Variants in POLR3A observed in about 807,000 individuals in gnomAD.
POLR3A encodes the protein DNA-directed RNA polymerase III subunit RPC1.
POLR3A carries 112 observed loss-of-function variants against 152.8 expected under a neutral mutation model. The observed-to-expected ratio is 0.73, with a 90% CI of 0.63 to 0.86. POLR3A has a LOEUF of 0.86. Among genes scored for constraint, POLR3A ranks in the 40% least tolerant of loss-of-function variants. The pLI is 0.00. For missense variants in POLR3A, 1,385 were observed against 1,743.1 expected (o/e 0.79, Z 3.66); for synonymous variants, 615 against 652.1 (o/e 0.94, Z 0.87).
At chr10:78,024,865 T>C (rs1216751129) in intron 4 of POLR3A, 106 bp downstream of exon 4, 1 of 1,469,528 alleles carries the variant, frequency 6.8e-7, no homozygotes, top group Non-Finnish European at 9.5e-7. Context: ...AAGCCTAATT[T>C]ATAAGGAGAA....
intron 19 of POLR3A, 85 bp downstream of exon 19, chr10:77,999,896 C>T (rs1847339579): frequency 3.1e-6 from 4 of 1,306,402 alleles, no homozygotes; most frequent in Admixed American, 3.5e-5. Flanking sequence ...AATTACAGCT[C>T]ATGTGCAAAA....
intron 17 of POLR3A, among the ~76,000 whole-genome samples, chr10:78,001,431 G>A (rs1847356073): frequency 6.6e-6 from 1 of 152,136 alleles, no homozygotes; most frequent in South Asian, 2.1e-4. Context: ...GAATTCCAAA[G>A]TGGGTGGGAA....
chr10:77,993,810 G>A (rs987116150), intron 19 of POLR3A, among the ~76,000 whole-genome samples: 6 of 152,176 alleles, frequency 3.9e-5, no homozygotes, highest in Non-Finnish European at 7.3e-5. Context: ...TGGGACAGAG[G>A]GGGAAGAAGA....
intron 21 of POLR3A, among the ~76,000 whole-genome samples, chr10:77,987,124 G>A (rs16935512): frequency 0.042 from 6,329 of 152,218 alleles, 324 homozygotes; most frequent in East Asian, 0.23. Context: ...TGCTCACAGT[G>A]GGTCAATCAT....
chr10:77,994,732 ACT>A (rs983697795), intron 19 of POLR3A, among the ~76,000 whole-genome samples: 19 of 152,182 alleles, frequency 1.2e-4, no homozygotes, highest in African/African-American at 4.6e-4. Context: ...GTTGGAAAAC[ACT>A]CTGCAGGATG....
intron 18 of POLR3A, 95 bp from the exon 19 acceptor site, chr10:78,000,213 A>T: frequency 9.7e-7 from 1 of 1,035,828 alleles, no homozygotes; most frequent in Non-Finnish European, 1.5e-6. Context: ...CCACCTTGAG[A>T]CTATAAATAC....
At position 77,991,148 on chromosome 10, in the gene POLR3A, C is replaced by T. The variant is rs139271396; in HGVS notation, c.2807G>A (p.Ser936Asn). ...DNIKAVFPCP[S>N]EPALSKNELI... ...CTCGTTTTTGCTGAGAGCAGGCTCA[C>T]TGGGACACGGGAAGACTGCCTTGAG... Residue 936 changes from serine to asparagine, a missense_variant, in exon 21 of 31, where the codon AGT (serine) becomes AAT (asparagine). This residue lies in a region of POLR3A where 178 missense variants were observed against 204.6 expected (regional missense o/e 0.87). Transcript: ENST00000372371. 3 of 1,611,944 alleles carry T rather than the reference C, an allele frequency of 1.9e-6. No homozygotes were observed. Among genetic ancestry groups the T allele is most frequent in the East Asian group, 2.2e-5 (1 of 44,868 alleles).
intron 11 of POLR3A, chr10:78,013,305 G>T: frequency 3.3e-6 from 1 of 304,956 alleles, no homozygotes; most frequent in Non-Finnish European, 6.3e-6. Context: ...CTTCCCCTGT[G>T]ACAGCCAACA....
chr10:77,985,539 G>A (rs1450617826), intron 23 of POLR3A, among the ~76,000 whole-genome samples, 199 bp from the exon 24 acceptor site: 1 of 152,234 alleles, frequency 6.6e-6, no homozygotes, highest in East Asian at 1.9e-4. Flanking sequence ...AGGTCAGAGA[G>A]GGGGCAGCAG....
intron 8 of POLR3A, chr10:78,019,608 C>G (rs1437384428): frequency 2.8e-6 from 1 of 353,774 alleles, no homozygotes; most frequent in East Asian, 6.6e-5. Context: ...CAATAACTTA[C>G]TGGGGGCTTG....
At chr10:78,006,340 C>T (rs1043344293) in intron 15 of POLR3A, among the ~76,000 whole-genome samples, 8 of 130,704 alleles carry the variant, frequency 6.1e-5, no homozygotes, top group South Asian at 2.5e-4. Flanking sequence ...GAGGTTGCAG[C>T]GAGCTGAGAT....
At chr10:77,984,071 C>A in intron 25 of POLR3A, 59 bp from the exon 26 acceptor site, 1 of 1,360,744 alleles carries the variant, frequency 7.3e-7, no homozygotes, top group Non-Finnish European at 1.0e-6. Context: ...TAAGAGCACA[C>A]GACTGCTTGC....
chr10:78,027,110 G>A (rs1164747483), intron 1 of POLR3A, among the ~76,000 whole-genome samples: 1 of 152,232 alleles, frequency 6.6e-6, no homozygotes, highest in East Asian at 1.9e-4. Flanking sequence ...AAGCAGTGGA[G>A]TCTGAGGAAT....
intron 11 of POLR3A, among the ~76,000 whole-genome samples, chr10:78,010,757 CCTAGGAGGGTCCTACCAA>C (rs1419240974): frequency 2.0e-5 from 3 of 152,162 alleles, no homozygotes; most frequent in African/African-American, 7.2e-5. Context: ...GCAAGATTGA[CCTAGGAGGGTCCTACCAA>C]CACCAAAATG....
chr10:78,027,707 C>T (rs756280915), intron 1 of POLR3A, among the ~76,000 whole-genome samples: 2 of 152,074 alleles, frequency 1.3e-5, no homozygotes, highest in South Asian at 2.1e-4. Context: ...TACAGGCATG[C>T]GCCACCGCAC....
chr10:78,013,838 A>G (rs1441497278), intron 10 of POLR3A, 48 bp from the exon 11 acceptor site: 1 of 1,612,946 alleles, frequency 6.2e-7, no homozygotes, highest in Admixed American at 1.7e-5. Context: ...TTAGGCATTT[A>G]TCCAAAAGCT....
At chr10:78,019,557 G>C (rs1847557750) in intron 8 of POLR3A, 1 of 448,536 alleles carries the variant, frequency 2.2e-6, no homozygotes, top group African/African-American at 2.0e-5. Flanking sequence ...TGATCTATAG[G>C]AACCTTCTGT....
chr10:78,009,122 C>T (rs1445499718), intron 14 of POLR3A, among the ~76,000 whole-genome samples: 1 of 135,324 alleles, frequency 7.4e-6, no homozygotes, highest in Non-Finnish European at 1.5e-5. Context: ...CACTGCACTC[C>T]AGCCTGGGTG....
In POLR3A at chr10:78,028,852, CGT is replaced by C. The variant is rs531850438; in HGVS notation, c.44+510_44+511del. Among the ~76,000 whole-genome samples, 515 of 152,124 alleles carry C rather than the reference CGT, an allele frequency of 3.4e-3. 1 individual carries two copies. Among genetic ancestry groups the C allele is most frequent in the African/African-American group, 0.012 (486 of 41,516 alleles). ...CTAAGAAGGAGCCACCGCCTAATAA[CGT>C]ATTTCTGAAGGCAAAAGTCCGGATA... On this transcript the variant is annotated intron_variant, in intron 1 of 30. Transcript: ENST00000372371.
Sources: gnomAD v4.1 joint callset for allele counts (sites outside exome capture counted in the v4.1 genomes callset) on GRCh38, gnomAD v4.1.1 for gene constraint, gnomAD v4.1.1 regional missense constraint, MANE v1.5 for transcripts, NCBI Gene and HGNC (gene_info 2026-07-23, HGNC 2026-07-21) for gene names.